Variants in PDE4B observed in about 807,000 individuals in gnomAD.
PDE4B encodes 3',5'-cyclic-AMP phosphodiesterase 4B.
Under a neutral mutation model 82.2 loss-of-function variants are expected in PDE4B, and 20 were observed. The ratio of observed to expected loss-of-function variants is 0.24; its 90% CI spans 0.17 to 0.35. PDE4B has a LOEUF of 0.35. PDE4B is among the 10% of genes least tolerant of loss of function. The pLI is 1.00. For missense variants in PDE4B, 655 were observed against 907.2 expected (o/e 0.72, Z 3.57); for synonymous variants, 320 against 318.9 (o/e 1.00, Z -0.04).
intron 3 of PDE4B, among the ~76,000 whole-genome samples, chr1:66,147,697 T>C (rs963577825): frequency 6.6e-6 from 1 of 152,194 alleles, no homozygotes; most frequent in African/African-American, 2.4e-5. Flanking sequence ...GTGCTTCCAG[T>C]GGGGCGTTTC....
intron 8 of PDE4B, among the ~76,000 whole-genome samples, chr1:66,351,975 A>AC (rs1365831999): frequency 6.6e-6 from 1 of 150,660 alleles, no homozygotes; most frequent in East Asian, 1.9e-4. Flanking sequence ...ATACCCTTCC[A>AC]CCCCCCGCCG....
intron 7 of PDE4B, among the ~76,000 whole-genome samples, chr1:66,276,943 GC>G (rs1655919572): frequency 6.6e-6 from 1 of 152,100 alleles, no homozygotes; most frequent in African/African-American, 2.4e-5. Context: ...TTTAGAACAC[GC>G]CTGGCACCCA....
intron 13 of PDE4B, 104 bp from the exon 14 acceptor site, chr1:66,367,592 T>G: frequency 2.2e-6 from 2 of 898,524 alleles, no homozygotes; most frequent in Non-Finnish European, 3.3e-6. Context: ...TGGTGGTTCT[T>G]GAAATAATTT....
At chr1:65,815,541 T>C (rs949895854) in intron 1 of PDE4B, among the ~76,000 whole-genome samples, 2 of 152,096 alleles carry the variant, frequency 1.3e-5, no homozygotes, top group African/African-American at 4.8e-5. Context: ...ATGGCTGAAG[T>C]GTGTATGGAA....
intron 3 of PDE4B, among the ~76,000 whole-genome samples, chr1:66,136,167 G>A (rs1277463083): frequency 6.6e-6 from 1 of 151,996 alleles, no homozygotes; most frequent in East Asian, 1.9e-4. Flanking sequence ...CTTTTTAATG[G>A]TCCACTAGTA....
chr1:65,933,577 C>T (rs1164271340), intron 3 of PDE4B, among the ~76,000 whole-genome samples: 2 of 151,990 alleles, frequency 1.3e-5, no homozygotes, highest in Non-Finnish European at 2.9e-5. Context: ...GCCTATAATC[C>T]CAGCTACTTG....
chr1:66,294,844 G>A (rs2101821499), intron 7 of PDE4B, among the ~76,000 whole-genome samples: 1 of 152,162 alleles, frequency 6.6e-6, no homozygotes, highest in Middle Eastern at 3.4e-3. Context: ...AAATCTCTCA[G>A]TAAAAGAAAA....
intron 3 of PDE4B, among the ~76,000 whole-genome samples, chr1:66,172,987 G>A (rs1466497653): frequency 1.3e-5 from 2 of 152,152 alleles, no homozygotes; most frequent in African/African-American, 2.4e-5. Flanking sequence ...ATCAGATAGA[G>A]TGAACCCCCA....
intron 3 of PDE4B, among the ~76,000 whole-genome samples, chr1:65,928,536 C>A (rs1647649030): frequency 6.6e-6 from 1 of 152,152 alleles, no homozygotes. Flanking sequence ...TCTAATTACT[C>A]CCATTGTATT....
chr1:66,312,005 C>T (rs558123486), intron 7 of PDE4B, among the ~76,000 whole-genome samples: 1 of 152,182 alleles, frequency 6.6e-6, no homozygotes, highest in Non-Finnish European at 1.5e-5. Context: ...TAGAGAAACA[C>T]GGATATAGAG....
At chr1:65,829,281 A>G (rs548532673) in intron 1 of PDE4B, among the ~76,000 whole-genome samples, 1 of 152,322 alleles carries the variant, frequency 6.6e-6, no homozygotes, top group African/African-American at 2.4e-5. Flanking sequence ...CTGAATGTGT[A>G]TGCTTGTGAT....
chr1:65,983,163 T>C (rs1485900002), intron 3 of PDE4B, among the ~76,000 whole-genome samples: 2 of 152,236 alleles, frequency 1.3e-5, no homozygotes, highest in Non-Finnish European at 2.9e-5. Context: ...TGTCCCACCA[T>C]TGTATTTTCA....
chr1:65,918,872 T>C lies in PDE4B; in HGVS notation c.281+37T>C, dbSNP rs372206037. The stretch of plus-strand genomic sequence containing the variant: ...CAAAATCAAATGTCAATTCTAAATT[T>C]TTATTTTCCAATTTCTCCAAATACA... On this transcript the variant is annotated intron_variant, in intron 3 of 16. Transcript: ENST00000341517. The C allele has an allele frequency of 1.3e-4, 161 of 1,262,406 alleles. No individual in the cohort carries two copies. The African/African-American group carries it at 2.2e-3, about 17-fold the overall frequency. 78.2% of individuals were successfully genotyped at this position (1,262,406 alleles called of 1,614,324 possible).
intron 3 of PDE4B, among the ~76,000 whole-genome samples, chr1:66,203,256 C>T (rs1367833495): frequency 6.6e-6 from 1 of 152,216 alleles, no homozygotes; most frequent in African/African-American, 2.4e-5. Context: ...GGTAACCTGA[C>T]CTTTCTCTCT....
intron 3 of PDE4B, among the ~76,000 whole-genome samples, chr1:66,064,142 C>T (rs534146766): frequency 2.6e-5 from 4 of 152,016 alleles, no homozygotes; most frequent in African/African-American, 9.6e-5. Flanking sequence ...TTTTAGGTTT[C>T]GCTCAAGTTT....
chr1:66,365,667 G>T lies in PDE4B; in HGVS notation c.1285G>T (p.Ala429Ser), dbSNP rs776557779. The change falls in exon 13 of 17, where the codon GCT becomes TCT. Residue 429 changes from alanine to serine, a missense_variant and splice_region_variant. Physicochemically the swap from Ala to Ser is moderately conservative, Grantham distance 99. Transcript: ENST00000341517. ...TTAAATGTGTTTATTTGCCCGACAG[G>T]CTGTCTTCACAGATTTGGAGATCCT... ...HVLLSTPALD[A>S]VFTDLEILAA... is the part of the protein sequence containing the mutation. 1.9e-6 allele frequency: 3 copies of T among 1,596,248 alleles called. No homozygotes were observed. Among genetic ancestry groups the T allele is most frequent in the South Asian group, 1.1e-5 (1 of 90,176 alleles).
Position 66,170,788 on chromosome 1 carries a change from A to G in PDE4B, c.282-76672A>G, listed in dbSNP as rs542210069. On this transcript the variant is annotated intron_variant, in intron 3 of 16. Transcript: ENST00000341517. ...AAAACATGGAATTATGGGTGGTGGA[A>G]TGCAAAGGGTATCACAAACTAGAAC... Among the ~76,000 whole-genome samples the G allele has an allele frequency of 1.1e-3, 162 of 152,302 alleles. 1 individual carries two copies. The highest frequency in any genetic ancestry group is 3.4e-3 in the Middle Eastern group (1 of 294).
intron 7 of PDE4B, among the ~76,000 whole-genome samples, chr1:66,294,634 GT>G (rs1193846366): frequency 6.6e-6 from 1 of 151,918 alleles, no homozygotes; most frequent in African/African-American, 2.4e-5. Flanking sequence ...TAAATCTTAA[GT>G]TTTTTTCTTG....
Position 66,151,922 on chromosome 1 carries a change from A to G in PDE4B, c.282-95538A>G, listed in dbSNP as rs140094049. ...GTTATTGTACTTCTCTATGTTTCTT[A>G]TAGCACCTAGTGCAACACTGAGAAA... On this transcript the variant is annotated intron_variant, in intron 3 of 16. Coordinates refer to ENST00000341517, the MANE Select transcript of PDE4B (RefSeq NM_002600.4). Among the ~76,000 whole-genome samples, 1,041 of 152,330 alleles carry G rather than the reference A, an allele frequency of 6.8e-3. 10 individuals carry two copies. Among genetic ancestry groups the G allele is most frequent in the African/African-American group, 0.023 (976 of 41,568 alleles).
Sources: gnomAD v4.1 joint callset for allele counts (sites outside exome capture counted in the v4.1 genomes callset) on GRCh38, gnomAD v4.1.1 for gene constraint, MANE v1.5 for transcripts, NCBI Gene and HGNC (gene_info 2026-07-23, HGNC 2026-07-21) for gene names.